ERBB4: variants seen among roughly 807,000 people sequenced by gnomAD.
ERBB4 encodes erb-b2 receptor tyrosine kinase 4, also known as receptor tyrosine-protein kinase erbB-4.
ERBB4 carries 42 observed loss-of-function variants against 158.0 expected under a neutral mutation model. The ratio of observed to expected loss-of-function variants is 0.27; its 90% CI spans 0.21 to 0.34. The LOEUF (loss-of-function observed/expected upper bound fraction) is 0.34, where lower values mean the gene tolerates loss of function less well. Ranked by LOEUF, ERBB4 falls within the 10% of genes least tolerant of loss-of-function variation. ERBB4 has a pLI of 1.00. For synonymous variants in ERBB4, 583 were observed against 558.7 expected (o/e 1.04, Z -0.61); for missense variants, 1,333 against 1,624.1 (o/e 0.82, Z 3.08).
intron 3 of ERBB4, among the ~76,000 whole-genome samples, chr2:211,846,285 T>C (rs912650524): frequency 6.6e-6 from 1 of 152,070 alleles, no homozygotes; most frequent in Non-Finnish European, 1.5e-5. Flanking sequence ...CTTTTTTTCA[T>C]AAAAGATTCA....
chr2:211,861,339 G>GTTTTTTTTTTTTTT (rs1553648578), intron 3 of ERBB4, among the ~76,000 whole-genome samples: 1 of 89,830 alleles, frequency 1.1e-5, no homozygotes, highest in Non-Finnish European at 2.1e-5. Flanking sequence ...TTTTTTTTTT[G>GTTTTTTTTTTTTTT]TTTTTTTTTT....
chr2:211,875,896 G>A (rs2078486823), intron 3 of ERBB4, among the ~76,000 whole-genome samples: 1 of 152,138 alleles, frequency 6.6e-6, no homozygotes, highest in Non-Finnish European at 1.5e-5. Flanking sequence ...TGCTGCACTG[G>A]TTTGTAGTAA....
intron 4 of ERBB4, chr2:211,777,455 C>G (rs2075910184): frequency 6.6e-6 from 1 of 152,162 alleles, no homozygotes; most frequent in Non-Finnish European, 1.5e-5. Context: ...CTTATCTTAA[C>G]AACAACTGCA....
intron 25 of ERBB4, among the ~76,000 whole-genome samples, chr2:211,397,242 A>C (rs910142703): frequency 1.3e-5 from 2 of 152,144 alleles, no homozygotes; most frequent in African/African-American, 4.8e-5. Context: ...AAGAGGAAAA[A>C]CATACAAAGC....
chr2:211,774,400 T>A (rs1255724460), intron 4 of ERBB4, among the ~76,000 whole-genome samples: 1 of 152,100 alleles, frequency 6.6e-6, no homozygotes, highest in Admixed American at 6.6e-5. Flanking sequence ...AATATGGGGA[T>A]AGTAAGCTAG....
intron 1 of ERBB4, among the ~76,000 whole-genome samples, chr2:212,506,043 G>A (rs1221982977): frequency 1.3e-5 from 2 of 148,722 alleles, no homozygotes; most frequent in African/African-American, 4.9e-5. Context: ...TGTTAATTCT[G>A]CATCTCTGGA....
intron 12 of ERBB4, among the ~76,000 whole-genome samples, chr2:211,690,704 A>G (rs978648923): frequency 1.3e-5 from 2 of 152,166 alleles, no homozygotes; most frequent in East Asian, 1.9e-4. Flanking sequence ...GAAATTCTTA[A>G]GAGAAAAGAA....
At chr2:212,424,017 A>T (rs1470874557) in intron 1 of ERBB4, among the ~76,000 whole-genome samples, 1 of 152,200 alleles carries the variant, frequency 6.6e-6, no homozygotes, top group East Asian at 1.9e-4. Flanking sequence ...CTAAAATACA[A>T]TCTACAATTA....
At chr2:212,079,199 C>A (rs531430094) in intron 2 of ERBB4, among the ~76,000 whole-genome samples, 2 of 114,648 alleles carry the variant, frequency 1.7e-5, no homozygotes, top group African/African-American at 5.2e-5. Context: ...GTAAAGATCC[C>A]ATTTTTAAGA....
At chr2:211,933,793 T>G (rs984955089) in intron 3 of ERBB4, among the ~76,000 whole-genome samples, 7 of 152,036 alleles carry the variant, frequency 4.6e-5, no homozygotes, top group Non-Finnish European at 8.8e-5. Context: ...TCTCTTAATA[T>G]CGCATCTACG....
intron 2 of ERBB4, among the ~76,000 whole-genome samples, chr2:212,041,345 A>T (rs911843733): frequency 1.6e-5 from 2 of 124,806 alleles, no homozygotes; most frequent in South Asian, 3.2e-4. Context: ...TAATGAGTAT[A>T]AAAAAAATTC....
intron 1 of ERBB4, among the ~76,000 whole-genome samples, chr2:212,483,045 A>G (rs1463895994): frequency 6.6e-6 from 1 of 152,002 alleles, no homozygotes; most frequent in Non-Finnish European, 1.5e-5. Context: ...GCAGATAGAT[A>G]GAACAGGATG....
At chr2:211,745,730 C>CA (rs201484355) in intron 5 of ERBB4, among the ~76,000 whole-genome samples, 22 of 127,770 alleles carry the variant, frequency 1.7e-4, no homozygotes, top group African/African-American at 5.7e-4. Context: ...AAAACAAAAA[C>CA]AAAACAAAAA....
At chr2:212,352,374 A>C (rs1200400656) in intron 1 of ERBB4, among the ~76,000 whole-genome samples, 1 of 152,164 alleles carries the variant, frequency 6.6e-6, no homozygotes, top group Non-Finnish European at 1.5e-5. Flanking sequence ...AAAGAAAAGA[A>C]AAAGAAATAA....
chr2:211,922,961 A>G (rs1049350368), intron 3 of ERBB4, among the ~76,000 whole-genome samples: 2 of 152,174 alleles, frequency 1.3e-5, no homozygotes, highest in African/African-American at 4.8e-5. Flanking sequence ...ATAAATGTAT[A>G]ACAATAGATG....
chr2:212,066,242 G>C (rs1292221490), intron 2 of ERBB4, among the ~76,000 whole-genome samples: 1 of 151,936 alleles, frequency 6.6e-6, no homozygotes. Context: ...TAAAGATTAA[G>C]AGGGTTTTCA....
At chr2:211,561,183 T>C (rs2067382603) in intron 20 of ERBB4, among the ~76,000 whole-genome samples, 1 of 152,214 alleles carries the variant, frequency 6.6e-6, no homozygotes, top group Non-Finnish European at 1.5e-5. Flanking sequence ...GAATGCTTTG[T>C]TTAGACTCCA....
intron 1 of ERBB4, among the ~76,000 whole-genome samples, chr2:212,511,540 C>G (rs1348202265): frequency 6.6e-6 from 1 of 152,084 alleles, no homozygotes; most frequent in African/African-American, 2.4e-5. Context: ...TCTTAGGTAA[C>G]CTACCAGTCT....
intron 1 of ERBB4, among the ~76,000 whole-genome samples, chr2:212,152,062 C>T (rs1230548399): frequency 1.3e-5 from 2 of 152,128 alleles, no homozygotes; most frequent in Non-Finnish European, 2.9e-5. Context: ...TACTTCATCA[C>T]ATTTTCTTTT....
Sources: allele counts gnomAD v4.1 joint callset (sites outside exome capture counted in the v4.1 genomes callset), GRCh38; gene constraint gnomAD v4.1.1; transcripts MANE v1.5; gene names NCBI Gene and HGNC (gene_info 2026-07-23, HGNC 2026-07-21).